PTPRD: variants seen among roughly 807,000 people sequenced by gnomAD.
The protein encoded by PTPRD is receptor-type tyrosine-protein phosphatase delta.
A neutral mutation model predicts 214.5 loss-of-function variants in PTPRD; 34 were observed. The ratio of observed to expected loss-of-function variants is 0.16; its 90% confidence interval spans 0.12 to 0.21. The LOEUF (loss-of-function observed/expected upper bound fraction) is 0.21, where lower values mean the gene tolerates loss of function less well. Ranked by LOEUF, PTPRD falls within the 10% of genes least tolerant of loss-of-function variation. PTPRD has a pLI of 1.00. For missense variants in PTPRD, 2,545 were observed against 2,398.7 expected (o/e 1.06, Z -1.27); for synonymous variants, 1,128 against 845.7 (o/e 1.33, Z -5.79).
Position 9,872,897 on chromosome 9 carries a change from G to A in PTPRD, c.-368+65610C>T, listed in dbSNP as rs182603956. 1.3e-4 allele frequency among the ~76,000 whole-genome samples: 20 copies of A among 152,138 alleles called. No homozygotes were observed. In the East Asian group the frequency reaches 1.5e-3, roughly 12 times the overall value. On this transcript the variant is annotated intron_variant, in intron 5 of 45. Transcript: ENST00000381196. ...AGACAGCCTATATTCAATCATATCC[G>A]CAAGCAGAGGGCCTGATTAATATTT...
chr9:8,795,961 C>T (rs2096406929), intron 11 of PTPRD, among the ~76,000 whole-genome samples: 1 of 152,044 alleles, frequency 6.6e-6, no homozygotes, highest in Non-Finnish European at 1.5e-5. Flanking sequence ...CACTATGGAG[C>T]AAAGTTCTTT....
intron 5 of PTPRD, among the ~76,000 whole-genome samples, chr9:9,910,234 T>C (rs902790904): frequency 7.2e-5 from 11 of 152,006 alleles, no homozygotes; most frequent in African/African-American, 2.7e-4. Flanking sequence ...AATTGTATTA[T>C]TGTAGAGTTT....
At chr9:9,358,600 G>C (rs2054779930) in intron 9 of PTPRD, among the ~76,000 whole-genome samples, 1 of 151,194 alleles carries the variant, frequency 6.6e-6, no homozygotes, top group Non-Finnish European at 1.5e-5. Flanking sequence ...TATGCCAATA[G>C]TCATAAAAGA....
chr9:9,503,270 T>C (rs1265478713), intron 8 of PTPRD, among the ~76,000 whole-genome samples: 1 of 126,528 alleles, frequency 7.9e-6, no homozygotes, highest in South Asian at 3.0e-4. Flanking sequence ...TTCTGGTACC[T>C]ATACCAAAAA....
chr9:9,026,670 A>G (rs1423733672), intron 10 of PTPRD, among the ~76,000 whole-genome samples: 10 of 151,778 alleles, frequency 6.6e-5, no homozygotes, highest in Admixed American at 6.6e-4. Context: ...TTTTAAAGGT[A>G]TTTGCCAGTT....
At chr9:9,233,496 A>G (rs546615682) in intron 9 of PTPRD, among the ~76,000 whole-genome samples, 121 of 152,276 alleles carry the variant, frequency 7.9e-4, no homozygotes, top group Non-Finnish European at 1.3e-3. Flanking sequence ...AAACACAATC[A>G]TGCCTTCCCA....
intron 4 of PTPRD, among the ~76,000 whole-genome samples, chr9:9,952,915 A>G (rs758189464): frequency 1.8e-4 from 27 of 152,144 alleles, no homozygotes; most frequent in Non-Finnish European, 3.8e-4. Flanking sequence ...AAATACCTAT[A>G]TAAGAATGAT....
chr9:9,649,083 G>T (rs1716506110), intron 7 of PTPRD, among the ~76,000 whole-genome samples: 1 of 152,104 alleles, frequency 6.6e-6, no homozygotes. Context: ...AGTTTGGGAG[G>T]TAGTAAACAA....
intron 3 of PTPRD, among the ~76,000 whole-genome samples, chr9:10,070,896 A>G (rs1054920437): frequency 2.6e-5 from 4 of 152,024 alleles, no homozygotes; most frequent in Admixed American, 1.3e-4. Flanking sequence ...GTCCACAAAA[A>G]TCCCTAGAAT....
At chr9:9,184,781 C>G (rs56190819) in intron 9 of PTPRD, among the ~76,000 whole-genome samples, 17,909 of 151,968 alleles carry the variant, frequency 0.12, 1,088 homozygotes, top group Middle Eastern at 0.19. Flanking sequence ...CATATACTTA[C>G]CATCCCTCTC....
At chr9:8,931,797 T>G (rs10816001) in intron 11 of PTPRD, among the ~76,000 whole-genome samples, 34,459 of 151,146 alleles carry the variant, frequency 0.23, 4,162 homozygotes, top group East Asian at 0.29. Flanking sequence ...CTGGTCCTGG[T>G]TTTTTTTTGG....
intron 9 of PTPRD, among the ~76,000 whole-genome samples, chr9:9,183,855 G>A (rs548085588): frequency 1.3e-3 from 194 of 152,006 alleles, no homozygotes; most frequent in African/African-American, 4.5e-3. Flanking sequence ...GTTCTGGGAC[G>A]AATTAGCATG....
chr9:9,570,261 T>C (rs146723751), intron 8 of PTPRD, among the ~76,000 whole-genome samples: 6 of 151,676 alleles, frequency 4.0e-5, no homozygotes, highest in African/African-American at 1.4e-4. Flanking sequence ...ATTAGACTTC[T>C]ATTGCATAAT....
intron 39 of PTPRD, among the ~76,000 whole-genome samples, chr9:8,361,953 A>G (rs10758960): frequency 0.91 from 138,208 of 152,270 alleles, 62,757 homozygotes; most frequent in African/African-American, 0.94. Flanking sequence ...TGGTTTCTTA[A>G]GCCATAGCCA....
chr9:8,732,976 C>T (rs1353372127), intron 12 of PTPRD, among the ~76,000 whole-genome samples: 2 of 152,142 alleles, frequency 1.3e-5, no homozygotes, highest in Non-Finnish European at 2.9e-5. Flanking sequence ...AAACCACTAC[C>T]AAGGAACCAC....
At chr9:9,169,112 C>A (rs1001423559) in intron 10 of PTPRD, among the ~76,000 whole-genome samples, 3 of 151,924 alleles carry the variant, frequency 2.0e-5, no homozygotes, top group Non-Finnish European at 4.4e-5. Context: ...TCTAATTGAA[C>A]CTTCTCATCT....
At chr9:10,216,992 T>C (rs1475618836) in intron 3 of PTPRD, among the ~76,000 whole-genome samples, 1 of 151,978 alleles carries the variant, frequency 6.6e-6, no homozygotes, top group Non-Finnish European at 1.5e-5. Flanking sequence ...ATTTCCTTTT[T>C]ATTGTTATTG....
At chr9:9,497,054 G>A (rs1189180909) in intron 8 of PTPRD, among the ~76,000 whole-genome samples, 4 of 152,120 alleles carry the variant, frequency 2.6e-5, no homozygotes, top group South Asian at 2.1e-4. Flanking sequence ...CAACATCACT[G>A]AGACAAAGCA....
intron 10 of PTPRD, among the ~76,000 whole-genome samples, chr9:9,148,870 A>C (rs2099873099): frequency 6.6e-6 from 1 of 152,194 alleles, no homozygotes; most frequent in Non-Finnish European, 1.5e-5. Flanking sequence ...AAAACAAGAA[A>C]ATGATATGGT....
Sources: gnomAD v4.1 joint callset for allele counts (sites outside exome capture counted in the v4.1 genomes callset) on GRCh38, gnomAD v4.1.1 for gene constraint, MANE v1.5 for transcripts, NCBI Gene and HGNC (gene_info 2026-07-23, HGNC 2026-07-21) for gene names.